Variants in ST7 observed in about 807,000 individuals in gnomAD.
The protein encoded by ST7 is suppression of tumorigenicity 7.
In ST7, 28 loss-of-function variants were observed where a neutral mutation model predicts 78.7. That is an observed-to-expected ratio of 0.36 (90% CI 0.26 to 0.49). The LOEUF (loss-of-function observed/expected upper bound fraction) is 0.49. Among genes scored for constraint, ST7 ranks in the 20% least tolerant of loss-of-function variants. The probability of loss-of-function intolerance (pLI) is 0.99; values close to 1 mark genes in which losing one functional copy is unlikely to be tolerated. For synonymous variants in ST7, 247 were observed against 249.6 expected (o/e 0.99, Z 0.10); for missense variants, 418 against 696.0 (o/e 0.60, Z 4.49).
intron 1 of ST7, chr7:116,965,986 A>G (rs1793090652): frequency 1.1e-5 from 4 of 380,284 alleles, no homozygotes; most frequent in Admixed American, 3.5e-5. Context: ...ATTTTCCCCT[A>G]TCATGTCTTG....
intron 1 of ST7, among the ~76,000 whole-genome samples, chr7:116,973,382 C>T (rs922298205): frequency 6.6e-5 from 10 of 152,264 alleles, no homozygotes; most frequent in East Asian, 3.9e-4. Flanking sequence ...CTCAGCCTCC[C>T]GAGTAGCTGG....
At chr7:117,107,603 C>CT (rs71528121) in intron 2 of ST7, among the ~76,000 whole-genome samples, 1,448 of 73,586 alleles carry the variant, frequency 0.02, 271 homozygotes, top group African/African-American at 0.055. Flanking sequence ...TAGCCCACTT[C>CT]TTTTTTTTTT....
At chr7:117,044,815 T>G (rs986154778) in intron 1 of ST7, among the ~76,000 whole-genome samples, 27 of 152,296 alleles carry the variant, frequency 1.8e-4, no homozygotes, top group African/African-American at 5.3e-4. Flanking sequence ...AATTCATATC[T>G]CTAGTCTAGA....
chr7:116,982,385 C>T (rs529009894), intron 1 of ST7, among the ~76,000 whole-genome samples: 4 of 151,870 alleles, frequency 2.6e-5, no homozygotes, highest in East Asian at 1.9e-4. Flanking sequence ...CCATCACGCC[C>T]GGCTAATTTT....
intron 10 of ST7, among the ~76,000 whole-genome samples, chr7:117,175,595 C>G (rs1310574307): frequency 6.6e-6 from 1 of 152,136 alleles, no homozygotes; most frequent in Non-Finnish European, 1.5e-5. Context: ...CTTTCACCAA[C>G]TGAGGGAGCT....
chr7:117,175,562 G>A (rs1808286784), intron 10 of ST7, among the ~76,000 whole-genome samples: 1 of 152,130 alleles, frequency 6.6e-6, no homozygotes, highest in Non-Finnish European at 1.5e-5. Context: ...GTGGGGAAGA[G>A]GTGGATCAGG....
chr7:117,185,598 A>G (rs1809182466), intron 10 of ST7, among the ~76,000 whole-genome samples: 2 of 152,220 alleles, frequency 1.3e-5, no homozygotes, highest in Non-Finnish European at 1.5e-5. Context: ...TTTTTCATAT[A>G]CATATGTATT....
intron 2 of ST7, among the ~76,000 whole-genome samples, chr7:117,110,770 C>T (rs1802365458): frequency 6.6e-6 from 1 of 152,202 alleles, no homozygotes; most frequent in Admixed American, 6.5e-5. Flanking sequence ...TCCTTTTTAA[C>T]TCAAAGATGG....
chr7:117,167,941 G>A lies in ST7; in HGVS notation c.964-2921G>A, dbSNP rs557535854. On this transcript the variant is annotated intron_variant, in intron 9 of 15. Transcript: ENST00000323984. ...TTGTGGGGAGGCAAGCCAGGTTGTA[G>A]CGAAGCAGTGTGGAGTAAACAGAGC... Among the ~76,000 whole-genome samples, 4 of 152,256 alleles carry A rather than the reference G, an allele frequency of 2.6e-5. No individual in the cohort carries two copies. In the East Asian group the frequency reaches 7.7e-4, roughly 29 times the overall value.
In ST7 at chr7:117,097,893, TATATATATATATA is replaced by T. The variant is rs1801199296; in HGVS notation, c.152-1868_152-1856del. Among the ~76,000 whole-genome samples, 4 of 23,434 alleles carry T rather than the reference TATATATATATATA, an allele frequency of 1.7e-4. No homozygotes were observed. In the South Asian group the frequency reaches 4.1e-3, roughly 24 times the overall value. 15.4% of individuals were successfully genotyped at this position (23,434 alleles called of 152,430 possible). On this transcript the variant is annotated intron_variant, in intron 1 of 15. Transcript: ENST00000323984. The stretch of plus-strand genomic sequence containing the variant: ...TATGACATATCACTATATATATATA[TATATATATATATA>T]TATTTTTTTTTTTTTTTTTTTTGAT...
intron 1 of ST7, chr7:116,959,580 T>C (rs1025689660): frequency 1.5e-5 from 3 of 193,978 alleles, no homozygotes; most frequent in African/African-American, 2.4e-5. Flanking sequence ...ACTGAGTATG[T>C]GCCCCATCTA....
intron 1 of ST7, chr7:116,968,512 A>G (rs774598474): frequency 9.5e-6 from 4 of 421,926 alleles, no homozygotes; most frequent in Non-Finnish European, 1.9e-5. Flanking sequence ...TGGCTTAGAA[A>G]AGGACTTTAT....
At chr7:117,183,628 C>G (rs1808971109) in intron 10 of ST7, among the ~76,000 whole-genome samples, 1 of 152,122 alleles carries the variant, frequency 6.6e-6, no homozygotes, top group African/African-American at 2.4e-5. Context: ...CAGCAGTAAC[C>G]ACTTTCCTTA....
intron 15 of ST7, among the ~76,000 whole-genome samples, chr7:117,228,027 A>C (rs745680326): frequency 6.6e-6 from 1 of 152,024 alleles, no homozygotes; most frequent in Non-Finnish European, 1.5e-5. Flanking sequence ...GCTAAACTGA[A>C]CCATTTACTA....
chr7:117,181,539 G>A (rs916909024), intron 10 of ST7, among the ~76,000 whole-genome samples: 6 of 152,138 alleles, frequency 3.9e-5, no homozygotes, highest in South Asian at 2.1e-4. Context: ...TCAGTTTTTC[G>A]TCTGTATCTT....
intron 1 of ST7, among the ~76,000 whole-genome samples, chr7:117,064,773 T>C (rs1798541715): frequency 1.3e-5 from 2 of 152,182 alleles, no homozygotes; most frequent in African/African-American, 4.8e-5. Flanking sequence ...TTCCCAGAGA[T>C]GTGTCTGTAG....
chr7:117,116,120 A>C (rs1802862864), intron 2 of ST7, among the ~76,000 whole-genome samples: 1 of 152,160 alleles, frequency 6.6e-6, no homozygotes, highest in Admixed American at 6.5e-5. Flanking sequence ...CCTAAATCCC[A>C]AACCAGCTTG....
chr7:117,073,080 G>C (rs1799086228), intron 1 of ST7: 1 of 152,192 alleles, frequency 6.6e-6, no homozygotes. Flanking sequence ...TTCAGTCAGA[G>C]GCTGGCTTCA....
intron 1 of ST7, among the ~76,000 whole-genome samples, chr7:117,051,073 G>T (rs953798946): frequency 2.0e-5 from 3 of 152,104 alleles, no homozygotes; most frequent in African/African-American, 4.8e-5. Flanking sequence ...TCAAATTTGT[G>T]ATTCCAGGGT....
Sources: gnomAD v4.1 joint callset for allele counts (sites outside exome capture counted in the v4.1 genomes callset) on GRCh38, gnomAD v4.1.1 for gene constraint, MANE v1.5 for transcripts, NCBI Gene and HGNC (gene_info 2026-07-23, HGNC 2026-07-21) for gene names.